CLDN14: variants seen among roughly 807,000 people sequenced by gnomAD.
CLDN14 encodes claudin-14.
CLDN14 carries 2 observed loss-of-function variants against 2.1 expected under a neutral mutation model. The ratio of observed to expected loss-of-function variants is 0.96; its 90% CI spans 0.39 to 3.01. CLDN14 has a LOEUF of 3.01. CLDN14 is among the 30% of genes most tolerant of loss of function. CLDN14 has a pLI of 0.09. For missense variants in CLDN14, 298 were observed against 328.0 expected (o/e 0.91, Z 0.71); for synonymous variants, 136 against 154.4 (o/e 0.88, Z 0.88).
chr21:36,513,327 C>T (rs2835370), intron 1 of CLDN14, among the ~76,000 whole-genome samples: 119,827 of 152,116 alleles, frequency 0.79, 48,875 homozygotes, highest in Non-Finnish European at 0.92. Context: ...ACTGGCAATG[C>T]GGCAGCCATT....
chr21:36,486,209 G>A (rs756475594), intron 2 of CLDN14: 16 of 951,226 alleles, frequency 1.7e-5, no homozygotes, highest in Middle Eastern at 2.1e-4. Flanking sequence ...TACTGATTCC[G>A]CCTGGCCAAA....
At chr21:36,538,734 C>T (rs970627434) in intron 1 of CLDN14, among the ~76,000 whole-genome samples, 1 of 147,876 alleles carries the variant, frequency 6.8e-6, no homozygotes, top group Admixed American at 6.8e-5. Flanking sequence ...TGCAGTGCTC[C>T]CTCAAGTCAC....
At chr21:36,485,583 C>T (rs1214342438) in intron 2 of CLDN14, among the ~76,000 whole-genome samples, 1 of 152,232 alleles carries the variant, frequency 6.6e-6, no homozygotes, top group African/African-American at 2.4e-5. Context: ...TTAATCAATA[C>T]AGCAAGATGT....
intron 1 of CLDN14, chr21:36,477,230 C>T (rs1046088306): frequency 6.6e-6 from 1 of 152,252 alleles, no homozygotes; most frequent in East Asian, 1.9e-4. Context: ...CTGTCCCTGC[C>T]TGCTATGGAC....
intron 1 of CLDN14, among the ~76,000 whole-genome samples, chr21:36,536,654 C>T (rs953428776): frequency 6.6e-6 from 1 of 152,152 alleles, no homozygotes; most frequent in African/African-American, 2.4e-5. Flanking sequence ...GTTATACGAA[C>T]GACACTAATG....
intron 1 of CLDN14, among the ~76,000 whole-genome samples, chr21:36,519,538 C>T (rs1276263605): frequency 6.6e-6 from 1 of 152,086 alleles, no homozygotes; most frequent in Non-Finnish European, 1.5e-5. Context: ...GACGAAACCT[C>T]ATCTCTACTA....
upstream of CLDN14, among the ~76,000 whole-genome samples, chr21:36,484,096 A>G (rs1340079939): frequency 6.6e-6 from 1 of 152,202 alleles, no homozygotes; most frequent in Non-Finnish European, 1.5e-5. Flanking sequence ...GTCCATGCTC[A>G]GACACGGTCT....
At chr21:36,475,351 G>C (rs219751) in intron 1 of CLDN14, among the ~76,000 whole-genome samples, 58,568 of 152,004 alleles carry the variant, frequency 0.39, 12,824 homozygotes, top group African/African-American at 0.61. Context: ...TCTGTTCATC[G>C]TGGAGAAGTC....
chr21:36,523,620 C>A (rs992824873), intron 1 of CLDN14, among the ~76,000 whole-genome samples: 1 of 151,178 alleles, frequency 6.6e-6, no homozygotes, highest in Non-Finnish European at 1.5e-5. Context: ...TGGTGGTGTG[C>A]ACTTGTAACC....
At chr21:36,554,545 G>A (rs1011813625) in intron 1 of CLDN14, among the ~76,000 whole-genome samples, 12 of 152,162 alleles carry the variant, frequency 7.9e-5, no homozygotes, top group African/African-American at 2.4e-4. Flanking sequence ...CACAACATTC[G>A]TGCAAGATGG....
chr21:36,490,406 T>G lies in CLDN14; in HGVS notation c.-82+19957A>C, dbSNP rs867284896. 3.0e-3 allele frequency among the ~76,000 whole-genome samples: 431 copies of G among 144,816 alleles called. 1 individual carries two copies. In the South Asian group the frequency reaches 0.032, roughly 11 times the overall value. On this transcript the variant is annotated intron_variant, in intron 2 of 2. Transcript: ENST00000342108. ...TTTAATTTTTTTTTTTTTTTTTTTTTGTGACAGAGTCTCACTCTGTCACCC... is the reference window on the plus strand; with the variant it reads ...TTTAATTTTTTTTTTTTTTTTTTTTGGTGACAGAGTCTCACTCTGTCACCC...
Position 36,515,503 on chromosome 21 carries a change from T to C in CLDN14, c.-219-5003A>G, listed in dbSNP as rs1453407980. On this transcript the variant is annotated intron_variant, in intron 1 of 2. Coordinates refer to the CLDN14 transcript ENST00000342108. ...TCCTGGCCAACCTGGTGAAACCCTG[T>C]CTCTACTAAAAATACAAAAATGATC... Among the ~76,000 whole-genome samples the C allele has an allele frequency of 3.3e-5, 5 of 151,776 alleles. No homozygotes were observed. In the East Asian group the frequency reaches 5.9e-4, roughly 18 times the overall value.
chr21:36,489,131 A>AAAATATATATATATATATATATATAT, intron 2 of CLDN14, among the ~76,000 whole-genome samples: 1 of 62,738 alleles, frequency 1.6e-5, no homozygotes, highest in Non-Finnish European at 3.0e-5. Context: ...AAAAAAAAAA[A>AAAATATATATATATATATATATATAT]ATATATATAT....
upstream of CLDN14, chr21:36,481,159 C>T (rs958317593): frequency 2.6e-5 from 4 of 152,184 alleles, no homozygotes; most frequent in African/African-American, 9.7e-5. Context: ...ACCAGATATA[C>T]TATTTCACTA....
intron 2 of CLDN14, among the ~76,000 whole-genome samples, chr21:36,500,149 C>T (rs2000546): frequency 0.5 from 76,578 of 151,856 alleles, 19,918 homozygotes; most frequent in Non-Finnish European, 0.59. Flanking sequence ...TAGCACACGG[C>T]CCCATATCCA....
At chr21:36,571,594 GT>G (rs1425536770) in intron 1 of CLDN14, among the ~76,000 whole-genome samples, 2 of 152,176 alleles carry the variant, frequency 1.3e-5, no homozygotes, top group Non-Finnish European at 2.9e-5. Context: ...GAGTTGGAAG[GT>G]TTCCAGTGAG....
chr21:36,555,256 G>A (rs1478617911), intron 1 of CLDN14, among the ~76,000 whole-genome samples: 1 of 151,876 alleles, frequency 6.6e-6, no homozygotes, highest in East Asian at 1.9e-4. Flanking sequence ...CCAAGATATA[G>A]CAGGCTAAAA....
intron 1 of CLDN14, among the ~76,000 whole-genome samples, chr21:36,478,903 G>A (rs187902110): frequency 1.2e-4 from 19 of 152,230 alleles, no homozygotes; most frequent in African/African-American, 4.3e-4. Flanking sequence ...ATTAACTCAC[G>A]TCTCAAATTG....
intron 2 of CLDN14, among the ~76,000 whole-genome samples, chr21:36,489,127 A>T (rs1212388445): frequency 1.1e-5 from 1 of 90,102 alleles, no homozygotes; most frequent in African/African-American, 3.8e-5. Flanking sequence ...GAAAAAAAAA[A>T]AAAAATATAT....
Sources: gnomAD v4.1 joint callset for allele counts (sites outside exome capture counted in the v4.1 genomes callset) on GRCh38, gnomAD v4.1.1 for gene constraint, MANE v1.5 for transcripts, NCBI Gene and HGNC (gene_info 2026-07-23, HGNC 2026-07-21) for gene names.